Variants in TASOR observed in about 807,000 individuals in gnomAD.
TASOR encodes the protein transcription activation suppressor, also known as protein TASOR.
Under a neutral mutation model 178.6 loss-of-function variants are expected in TASOR, and 53 were observed. That is an observed-to-expected ratio of 0.30 (90% CI 0.24 to 0.37). The LOEUF is 0.37. Among genes scored for constraint, TASOR ranks in the 10% least tolerant of loss-of-function variants. The pLI, the probability that TASOR is intolerant of heterozygous loss-of-function variation, is 1.00. For missense variants in TASOR, 1,815 were observed against 1,971.4 expected (o/e 0.92, Z 1.50); for synonymous variants, 713 against 696.2 (o/e 1.02, Z -0.38).
rs938070566 is a variant in TASOR, at chr3:56,668,278, T to G, written c.897+119A>C. 5 of 905,614 alleles carry G rather than the reference T, an allele frequency of 5.5e-6. No homozygotes were observed. The Admixed American group carries it at 8.6e-5, about 16-fold the overall frequency. The allele number at this position is 905,614 out of a possible 1,614,324, so 56.1% of individuals were successfully genotyped here. ...CAGACACTGGAGTCTGGAAGTGATA[T>G]GCAGACACCAGAGTCTAGACTAATG... On this transcript the variant is annotated intron_variant, in intron 6 of 23. Transcript: ENST00000683822.
chr3:56,653,763 A>G (rs901927713), intron 11 of TASOR, among the ~76,000 whole-genome samples: 18 of 152,216 alleles, frequency 1.2e-4, no homozygotes, highest in African/African-American at 4.3e-4. Context: ...AAAAAAGACA[A>G]AAGTATCCCT....
At chr3:56,660,288 G>A (rs909235980) in intron 11 of TASOR, among the ~76,000 whole-genome samples, 1 of 151,790 alleles carries the variant, frequency 6.6e-6, no homozygotes, top group Non-Finnish European at 1.5e-5. Flanking sequence ...TCAGGAGATT[G>A]AGACCATCCT....
intron 18 of TASOR, among the ~76,000 whole-genome samples, chr3:56,630,515 CAATTA>C (rs1428675815): frequency 3.9e-5 from 6 of 152,130 alleles, no homozygotes; most frequent in Admixed American, 3.9e-4. Context: ...ATTAAAAGCA[CAATTA>C]ATTAGGAAAT....
Position 56,633,212 on chromosome 3 carries a change from G to T in TASOR, c.3579C>A (p.Ser1193=), listed in dbSNP as rs1357882505. 1.1e-5 allele frequency: 17 copies of T among 1,614,112 alleles called. No homozygotes were observed. The highest frequency in any genetic ancestry group is 1.4e-5 in the Non-Finnish European group (17 of 1,180,012). Residue 1193 remains serine, a synonymous_variant, in exon 18 of 24, where the codon TCC becomes TCA. Coordinates refer to ENST00000683822, the MANE Select transcript of TASOR (RefSeq NM_001365635.2). ...AREPVEETTK[S]PSDVNISAQP... is the part of the protein sequence containing the mutation. ...GAGCAGAAATGTTTACATCACTGGG[G>T]GATTTTGTTGTTTCTTCTACTGGTT... is the stretch of plus-strand genomic sequence containing the variant.
chr3:56,649,164 A>C, intron 11 of TASOR, 107 bp from the exon 12 acceptor site: 1 of 684,822 alleles, frequency 1.5e-6, no homozygotes, highest in Non-Finnish European at 2.3e-6. Flanking sequence ...GTTCTTAATC[A>C]TCTTTTAAGA....
At chr3:56,630,346 C>G (rs1470844546) in intron 18 of TASOR, among the ~76,000 whole-genome samples, 1 of 152,166 alleles carries the variant, frequency 6.6e-6, no homozygotes, top group Non-Finnish European at 1.5e-5. Context: ...CATTTTTATT[C>G]ATAAAGTCTT....
intron 1 of TASOR, among the ~76,000 whole-genome samples, chr3:56,682,078 G>A (rs1210565168): frequency 6.6e-6 from 1 of 152,110 alleles, no homozygotes; most frequent in Non-Finnish European, 1.5e-5. Context: ...TTAATCTAAC[G>A]CTTCAAAAAC....
intron 2 of TASOR, 121 bp downstream of exon 2, chr3:56,673,453 AAAAAAC>A: frequency 8.7e-6 from 6 of 690,880 alleles, no homozygotes; most frequent in African/African-American, 1.9e-5. Flanking sequence ...AAAAAAAAAA[AAAAAAC>A]TTGTTTTCCC....
At chr3:56,677,694 T>C (rs1387805872) in intron 1 of TASOR, among the ~76,000 whole-genome samples, 1 of 152,194 alleles carries the variant, frequency 6.6e-6, no homozygotes. Flanking sequence ...AGAAATCATA[T>C]ACAACACTTA....
At position 56,663,591 on chromosome 3, in the gene TASOR, A is replaced by G. The variant is rs1214885252; in HGVS notation, c.1023-19T>C. 7 of 1,304,072 alleles carry G rather than the reference A, an allele frequency of 5.4e-6. No individual in the cohort carries two copies. Among genetic ancestry groups the G allele is most frequent in the Admixed American group, 6.1e-5 (2 of 32,690 alleles). 80.8% of individuals were successfully genotyped at this position (1,304,072 alleles called of 1,614,324 possible). A position where few individuals can be genotyped will look rare whatever the true frequency, so the allele number is the denominator to read the frequency against. ...GTTAGATCTACAAATTTTTTAAAAG[A>G]AAAGAAAAACATTACTCATTAGTAT... is the stretch of plus-strand genomic sequence containing the variant. On this transcript the variant is annotated intron_variant, in intron 7 of 23. Transcript: ENST00000683822.
intron 12 of TASOR, 43 bp from the exon 13 acceptor site, chr3:56,648,936 A>G: frequency 6.3e-7 from 1 of 1,595,740 alleles, no homozygotes; most frequent in South Asian, 1.2e-5. Context: ...TGTTTTAACT[A>G]AAAAGTTAAG....
At position 56,620,279 on chromosome 3, in the gene TASOR, GTGTT is replaced by G. The variant is rs533533100; in HGVS notation, c.*2754_*2757del. The G allele has an allele frequency of 2.5e-4, 39 of 157,150 alleles. No homozygotes were observed. The East Asian group carries it at 6.4e-3, about 26-fold the overall frequency. The allele number at this position is 157,150 out of a possible 1,614,324, so 9.7% of individuals were successfully genotyped here. A position where few individuals can be genotyped will look rare whatever the true frequency, so the allele number is the denominator to read the frequency against. ...TTTTTAAAAAATTGACGTGTTGGCA[GTGTT>G]TGTTAGAACATTGACGTACATCCCA... On this transcript the variant is annotated 3_prime_UTR_variant, in exon 24 of 24. Coordinates refer to ENST00000683822, the MANE Select transcript of TASOR (RefSeq NM_001365635.2).
Position 56,633,574 on chromosome 3 carries a change from C to A in TASOR, c.3217G>T (p.Gly1073Cys), listed in dbSNP as rs759729990. 6.2e-7 allele frequency: 1 copy of A among 1,614,114 alleles called. No individual in the cohort carries two copies. The highest frequency in any genetic ancestry group is 1.1e-5 in the South Asian group (1 of 91,070). Residue 1073 changes from glycine to cysteine, a missense_variant, in exon 18 of 24, where the codon GGT becomes TGT. By Grantham distance (159) the Gly-to-Cys change is radical. Around this residue, in one of 5 missense-constraint regions of TASOR, gnomAD observed 655 missense variants for 671.1 expected, o/e 0.98. Transcript: ENST00000683822. ...EFIYSKTSKA[G>C]VQEFVDGLHE... ...AAACCATCTACAAACTCCTGCACAC[C>A]AGCTTTGGAAGTCTTAGAATATATG...
rs572108715 is a variant in TASOR at position 56,621,168 on chromosome 3, A to C, written c.*1869T>G. The C allele has an allele frequency of 2.5e-3, 379 of 150,456 alleles. 5 individuals are homozygous for C. Among genetic ancestry groups the C allele is most frequent in the African/African-American group, 8.9e-3 (357 of 39,908 alleles). The allele number at this position is 150,456 out of a possible 1,614,324, so 9.3% of individuals were successfully genotyped here. On this transcript the variant is annotated 3_prime_UTR_variant, in exon 24 of 24. Transcript: ENST00000683822. ...AGCGAGACTCCATCTCCAAAAAAAA[A>C]CAAAACAACAACAACAAAAAAAAAA...
At position 56,623,498 on chromosome 3, in the gene TASOR, T is replaced by C; in HGVS notation, c.4552A>G (p.Ile1518Val). The change falls in exon 24 of 24, where the codon ATA becomes GTA. Residue 1518 changes from isoleucine (I) to valine (V), a missense_variant. By Grantham distance (29) the Ile-to-Val change is conservative (BLOSUM62 3). Coordinates refer to ENST00000683822, the MANE Select transcript of TASOR (RefSeq NM_001365635.2). Reference protein sequence around the residue: ...SLDSGDEISHIEVCSNFHSEI... With the variant: ...SLDSGDEISHVEVCSNFHSEI... ...GAATGAAAATTGCTGCATACTTCTA[T>C]ATGTGAGATTTCATCCCCTGAATCC... 6.2e-7 allele frequency: 1 copy of C among 1,612,386 alleles called. No homozygotes were observed. Among genetic ancestry groups the C allele is most frequent in the Non-Finnish European group, 8.5e-7 (1 of 1,179,856 alleles).
chr3:56,655,966 T>G (rs753260251), intron 11 of TASOR, among the ~76,000 whole-genome samples: 2 of 152,238 alleles, frequency 1.3e-5, no homozygotes. Context: ...GACATTGTGA[T>G]GCAGCATTAG....
chr3:56,657,277 G>A (rs550656575), intron 11 of TASOR, among the ~76,000 whole-genome samples: 2 of 149,116 alleles, frequency 1.3e-5, no homozygotes, highest in South Asian at 2.1e-4. Context: ...GCAGTGAGCC[G>A]AGATCACGCC....
At chr3:56,648,570 G>A (rs541671481) in intron 13 of TASOR, among the ~76,000 whole-genome samples, 48 of 147,846 alleles carry the variant, frequency 3.2e-4, no homozygotes, top group Non-Finnish European at 5.9e-4. Flanking sequence ...GGTGGAGGTC[G>A]CAGTGAGCTG....
chr3:56,680,700 A>G (rs2031705266), intron 1 of TASOR, among the ~76,000 whole-genome samples: 1 of 152,128 alleles, frequency 6.6e-6, no homozygotes, highest in African/African-American at 2.4e-5. Context: ...GTTCTATTTA[A>G]ATCGCTATTT....
Sources: allele counts gnomAD v4.1 joint callset (sites outside exome capture counted in the v4.1 genomes callset), GRCh38; gene constraint gnomAD v4.1.1; regional missense constraint gnomAD v4.1.1; transcripts MANE v1.5; gene names NCBI Gene and HGNC (gene_info 2026-07-23, HGNC 2026-07-21).